ABCC2: variants seen among roughly 807,000 people sequenced by gnomAD.
ABCC2 encodes the protein ATP binding cassette subfamily C member 2.
ABCC2 carries 157 observed loss-of-function variants against 173.4 expected under a neutral mutation model. The ratio of observed to expected loss-of-function variants is 0.91; its 90% confidence interval spans 0.80 to 1.03. The LOEUF (loss-of-function observed/expected upper bound fraction) is 1.03. Ranked by LOEUF, ABCC2 falls within the 50% of genes least tolerant of loss-of-function variation. ABCC2 has a pLI of 0.00. For synonymous variants in ABCC2, 657 were observed against 693.5 expected (o/e 0.95, Z 0.83); for missense variants, 1,822 against 1,852.3 (o/e 0.98, Z 0.30).
At position 99,845,649 on chromosome 10, in the gene ABCC2, C is replaced by T; in HGVS notation, c.4013C>T (p.Ala1338Val). Residue 1338 changes from alanine (A) to valine (V), a missense_variant, in exon 29 of 32, where the codon GCT (alanine) becomes GTT (valine). Coordinates refer to ENST00000647814, the MANE Select transcript of ABCC2 (RefSeq NM_000392.5). ...ATTGGTGTGGTGGGCAGGACAGGAG[C>T]TGGAAAGTCATCCCTCACAAACTGC... is the stretch of plus-strand genomic sequence containing the variant. The part of the protein sequence containing the change: ...EKIGVVGRTG[A>V]GKSSLTNCLF... 6.2e-7 allele frequency: 1 copy of T among 1,613,996 alleles called. No individual in the cohort carries two copies. The highest frequency in any genetic ancestry group is 1.1e-5 in the South Asian group (1 of 91,058).
intron 9 of ABCC2, among the ~76,000 whole-genome samples, chr10:99,802,191 A>G (rs1368700777): frequency 2.6e-5 from 4 of 152,018 alleles, no homozygotes; most frequent in African/African-American, 9.7e-5. Flanking sequence ...AGAACCCTCA[A>G]TGACACTTTT....
In ABCC2 at chr10:99,818,858, C is replaced by CATCT. The variant is rs771883947; in HGVS notation, c.2345_2348dup (p.Leu784SerfsTer4). The CATCT allele has an allele frequency of 1.2e-6, 2 of 1,614,198 alleles. No homozygotes were observed. The highest frequency in any genetic ancestry group is 4.5e-5 in the East Asian group (2 of 44,884). On this transcript the variant is annotated frameshift_variant, in exon 18 of 32. Transcript: ENST00000647814. LOFTEE classifies it high-confidence loss of function. ...CCAGAGCTACCTACCAAAATTTAGA[C>CATCT]ATCTATCTTCTAGATGACCCCCTGT... is the stretch of plus-strand genomic sequence containing the variant.
At chr10:99,796,703 A>AAAC (rs1026989988) in intron 6 of ABCC2, among the ~76,000 whole-genome samples, 8 of 152,166 alleles carry the variant, frequency 5.3e-5, no homozygotes, top group Admixed American at 2.0e-4. Flanking sequence ...CACAAAAAAC[A>AAAC]AACAACAACA....
intron 6 of ABCC2, among the ~76,000 whole-genome samples, chr10:99,795,426 T>A (rs7899330): frequency 6.6e-6 from 1 of 152,132 alleles, no homozygotes; most frequent in Non-Finnish European, 1.5e-5. Context: ...CAGCCTGGCA[T>A]GGTAGCTCAT....
chr10:99,819,728 A>T (rs1398540353), intron 19 of ABCC2, among the ~76,000 whole-genome samples: 1 of 152,232 alleles, frequency 6.6e-6, no homozygotes, highest in Non-Finnish European at 1.5e-5. Context: ...ATCCTAACAA[A>T]GGGATTTTGA....
At chr10:99,805,489 G>C in intron 11 of ABCC2, 42 bp downstream of exon 11, 1 of 1,588,618 alleles carries the variant, frequency 6.3e-7, no homozygotes, top group Non-Finnish European at 8.6e-7. Context: ...GGTAAGGACA[G>C]AAGCAGTGGC....
intron 14 of ABCC2, among the ~76,000 whole-genome samples, chr10:99,810,461 A>C (rs2038190470): frequency 6.6e-6 from 1 of 152,206 alleles, no homozygotes; most frequent in Non-Finnish European, 1.5e-5. Flanking sequence ...AATCCTGCAA[A>C]AGATCCAGAA....
chr10:99,814,270 T>TAC (rs146391980), intron 16 of ABCC2, among the ~76,000 whole-genome samples: 572 of 26,954 alleles, frequency 0.021, 40 homozygotes, highest in South Asian at 0.038. Context: ...CACGTATGTA[T>TAC]ACACACGTAT....
intron 21 of ABCC2, 124 bp from the exon 22 acceptor site, chr10:99,831,487 A>G: frequency 2.3e-6 from 2 of 878,456 alleles, no homozygotes; most frequent in South Asian, 1.3e-5. Context: ...CAGACTACCA[A>G]ATTTTGCTAC....
chr10:99,814,100 TAC>T (rs1393412554), intron 16 of ABCC2, among the ~76,000 whole-genome samples: 1 of 146,670 alleles, frequency 6.8e-6, no homozygotes, highest in African/African-American at 2.6e-5. Context: ...CACATATATA[TAC>T]ACACATATGT....
chr10:99,784,923 C>G, intron 2 of ABCC2, 142 bp downstream of exon 2: 1 of 1,004,924 alleles, frequency 1.0e-6, no homozygotes, highest in Non-Finnish European at 1.5e-6. Context: ...CTCAAGGTTT[C>G]CCTCACGGGT....
intron 29 of ABCC2, among the ~76,000 whole-genome samples, chr10:99,846,705 C>G (rs2039021897): frequency 6.6e-6 from 1 of 152,158 alleles, no homozygotes. Flanking sequence ...TGCCACTGCA[C>G]TCCAGTCTGG....
rs775906590 is a variant in ABCC2, at chr10:99,842,007, G to A, written c.3655G>A (p.Val1219Ile). 12 of 1,614,190 alleles carry A rather than the reference G, an allele frequency of 7.4e-6. No individual in the cohort carries two copies. The highest frequency in any genetic ancestry group is 5.0e-5 in the Admixed American group (3 of 60,032). Reference sequence around the variant, plus strand: ...CCTGGAGCTGGTTGGGAACCTGACTGTCTTCTTTTCAGCCTTGATGATGGT... The same window carrying A: ...CCTGGAGCTGGTTGGGAACCTGACTATCTTCTTTTCAGCCTTGATGATGGT... ...IRLELVGNLT[V>I]FFSALMMVIY... The change falls in exon 26 of 32, where the codon GTC becomes ATC. Residue 1219 changes from valine (V) to isoleucine (I), a missense_variant. Physicochemically the swap from Val to Ile is conservative, Grantham distance 29 (BLOSUM62 3). Transcript: ENST00000647814.
chr10:99,834,310 G>A, intron 23 of ABCC2, 70 bp from the exon 24 acceptor site: 1 of 1,500,266 alleles, frequency 6.7e-7, no homozygotes, highest in South Asian at 1.1e-5. Flanking sequence ...TTCCTTGCTA[G>A]AACTAGGAAG....
At chr10:99,804,790 A>C (rs1246090375) in intron 10 of ABCC2, among the ~76,000 whole-genome samples, 1 of 152,232 alleles carries the variant, frequency 6.6e-6, no homozygotes, top group African/African-American at 2.4e-5. Flanking sequence ...TTTGTTTTGC[A>C]TTCAAGTTAC....
chr10:99,819,384 C>G, intron 19 of ABCC2, 115 bp downstream of exon 19: 1 of 1,027,580 alleles, frequency 9.7e-7, no homozygotes, highest in Non-Finnish European at 1.5e-6. Context: ...AGCAAACTAC[C>G]CAGAGATTCA....
chr10:99,845,763 A>AG lies in ABCC2; in HGVS notation c.4128dup (p.Leu1377AlafsTer28). 1 of 1,612,408 alleles carries AG rather than the reference A, an allele frequency of 6.2e-7. No homozygotes were observed. The highest frequency in any genetic ancestry group is 8.5e-7 in the Non-Finnish European group (1 of 1,179,670). On this transcript the variant is annotated frameshift_variant, in exon 29 of 32. Transcript: ENST00000647814. LOFTEE classifies it high-confidence loss of function. ...ATTGGGCTCCACGACCTCCGAGAGAAGCTGACCATCATCCCCCAGGTGAGC... is the reference window on the plus strand; with the variant it reads ...ATTGGGCTCCACGACCTCCGAGAGAAGGCTGACCATCATCCCCCAGGTGAGC...
intron 25 of ABCC2, among the ~76,000 whole-genome samples, chr10:99,838,084 G>A (rs2038856082): frequency 2.7e-5 from 2 of 72,876 alleles, no homozygotes; most frequent in Non-Finnish European, 6.1e-5. Context: ...CGGACGGGGC[G>A]GCTGGCCGGG....
chr10:99,800,287 C>G, intron 8 of ABCC2, 99 bp from the exon 9 acceptor site: 1 of 1,278,242 alleles, frequency 7.8e-7, no homozygotes. Flanking sequence ...CTTTTGTTAC[C>G]TACAGTGTAA....
Sources: allele counts gnomAD v4.1 joint callset (sites outside exome capture counted in the v4.1 genomes callset), GRCh38; gene constraint gnomAD v4.1.1; transcripts MANE v1.5; gene names NCBI Gene and HGNC (gene_info 2026-07-23, HGNC 2026-07-21).